The following CLVS1 variants were observed in gnomAD, a reference collection of about 807,000 sequenced individuals.
CLVS1 encodes clavesin 1.
In CLVS1, 10 loss-of-function variants were observed where a neutral mutation model predicts 33.1. That is an observed-to-expected ratio of 0.30 (90% CI 0.19 to 0.51). The LOEUF (loss-of-function observed/expected upper bound fraction) is 0.51. Among genes scored for constraint, CLVS1 ranks in the 20% least tolerant of loss-of-function variants. The pLI is 0.97. For synonymous variants in CLVS1, 163 were observed against 166.1 expected (o/e 0.98, Z 0.14); for missense variants, 343 against 433.4 (o/e 0.79, Z 1.85).
At chr8:61,117,956 C>T (rs1316052022) in intron 1 of CLVS1, among the ~76,000 whole-genome samples, 1 of 152,148 alleles carries the variant, frequency 6.6e-6, no homozygotes, top group African/African-American at 2.4e-5. Context: ...GGTACCAGTT[C>T]CTCCTTGTAC....
the CLVS1 span, among the ~76,000 whole-genome samples, chr8:60,979,296 G>C: frequency 6.6e-6 from 1 of 152,142 alleles, no homozygotes; most frequent in African/African-American, 2.4e-5. Flanking sequence ...CCCTCGATGG[G>C]GCCTGCCCTC....
chr8:61,214,461 G>A (rs1808042572), intron 2 of CLVS1, among the ~76,000 whole-genome samples: 1 of 152,080 alleles, frequency 6.6e-6, no homozygotes, highest in South Asian at 2.1e-4. Flanking sequence ...AAGGAAAATA[G>A]AAAAGAACCT....
At chr8:61,358,963 T>A (rs1331978877) in intron 2 of CLVS1, among the ~76,000 whole-genome samples, 1 of 152,202 alleles carries the variant, frequency 6.6e-6, no homozygotes, top group African/African-American at 2.4e-5. Flanking sequence ...CCTTGAAAAT[T>A]TGTATTATTA....
rs1462908906 is a variant in CLVS1 at position 61,357,489 on chromosome 8, C to CTTTTTTTT, written c.456-19112_456-19111insTTTTTTTT. Among the ~76,000 whole-genome samples, 5 of 30,258 alleles carry CTTTTTTTT rather than the reference C, an allele frequency of 1.7e-4. No homozygotes were observed. The East Asian group carries it at 2.9e-3, about 17-fold the overall frequency. 19.9% of individuals were successfully genotyped at this position (30,258 alleles called of 152,430 possible). On this transcript the variant is annotated intron_variant, in intron 2 of 5. Transcript: ENST00000325897. ...TTTTCCTTCTTTTTCTTTCCTTTTT[C>CTTTTTTTT]TTTTCTTTTTTTTTTTTTTTTTTTT...
At chr8:61,306,936 C>T (rs1025144316) in intron 2 of CLVS1, among the ~76,000 whole-genome samples, 7 of 152,168 alleles carry the variant, frequency 4.6e-5, no homozygotes, top group Non-Finnish European at 7.3e-5. Flanking sequence ...TAAGTGCAGA[C>T]GGTCCTCTGC....
chr8:61,362,059 A>G (rs1447766401), intron 2 of CLVS1, among the ~76,000 whole-genome samples: 1 of 152,232 alleles, frequency 6.6e-6, no homozygotes, highest in Non-Finnish European at 1.5e-5. Flanking sequence ...GGGGATTCTC[A>G]ACAAATTGGC....
At chr8:61,193,665 A>C (rs1563439694) in intron 2 of CLVS1, among the ~76,000 whole-genome samples, 1 of 152,058 alleles carries the variant, frequency 6.6e-6, no homozygotes, top group South Asian at 2.1e-4. Flanking sequence ...CTACAAAACT[A>C]TCAAGAATGA....
At chr8:61,267,498 A>G (rs1809334778) in intron 2 of CLVS1, among the ~76,000 whole-genome samples, 2 of 152,166 alleles carry the variant, frequency 1.3e-5, no homozygotes, top group Admixed American at 6.5e-5. Flanking sequence ...AGTCACATTT[A>G]GCCTCTGTTT....
At chr8:61,403,824 C>A (rs988907144) in intron 3 of CLVS1, among the ~76,000 whole-genome samples, 1 of 152,038 alleles carries the variant, frequency 6.6e-6, no homozygotes, top group Non-Finnish European at 1.5e-5. Context: ...CAGGATTCCA[C>A]GAAAACATGT....
At chr8:61,231,059 G>C (rs1311171730) in intron 2 of CLVS1, among the ~76,000 whole-genome samples, 1 of 152,060 alleles carries the variant, frequency 6.6e-6, no homozygotes, top group Non-Finnish European at 1.5e-5. Context: ...GTATCTTAGA[G>C]GCATACAAAT....
the CLVS1 span, among the ~76,000 whole-genome samples, chr8:60,971,749 T>C: frequency 6.6e-6 from 1 of 152,162 alleles, no homozygotes; most frequent in South Asian, 2.1e-4. Flanking sequence ...GCCAGTCTCC[T>C]GCCCAGAGGG....
At chr8:61,004,837 T>C in the CLVS1 span, among the ~76,000 whole-genome samples, 2 of 152,346 alleles carry the variant, frequency 1.3e-5, no homozygotes, top group Admixed American at 1.3e-4. Flanking sequence ...CCTTTCATTT[T>C]TCTTAAAAAG....
chr8:61,191,931 T>C (rs1470545838), intron 2 of CLVS1, among the ~76,000 whole-genome samples: 2 of 152,070 alleles, frequency 1.3e-5, no homozygotes, highest in African/African-American at 4.8e-5. Context: ...GAATCAATAT[T>C]GTGAAAATGG....
chr8:61,194,390 C>A (rs1294609084), intron 2 of CLVS1, among the ~76,000 whole-genome samples: 2 of 150,230 alleles, frequency 1.3e-5, no homozygotes, highest in Admixed American at 6.6e-5. Flanking sequence ...AACCAAAAAA[C>A]CCTGGCATTA....
chr8:61,346,701 G>A (rs1812232114), intron 2 of CLVS1, among the ~76,000 whole-genome samples: 1 of 152,136 alleles, frequency 6.6e-6, no homozygotes, highest in Admixed American at 6.6e-5. Flanking sequence ...CCCTCCCTGT[G>A]TAAGGCATGG....
chr8:61,224,807 A>C (rs1808293685), intron 2 of CLVS1, among the ~76,000 whole-genome samples: 1 of 152,186 alleles, frequency 6.6e-6, no homozygotes. Context: ...AACTATCCTA[A>C]ATATATATGC....
At position 61,451,812 on chromosome 8, in the gene CLVS1, C is replaced by CAGAGAGAGAGAG. The variant is rs71257362; in HGVS notation, c.631-2305_631-2294dup. Among the ~76,000 whole-genome samples the CAGAGAGAGAGAG allele has an allele frequency of 3.0e-3, 430 of 142,908 alleles. 1 individual carries two copies. The highest frequency in any genetic ancestry group is 0.01 in the African/African-American group (398 of 38,206). The allele number at this position is 142,908 out of a possible 152,430, so 93.8% of individuals were successfully genotyped here. ...CCTCTGTACAAAACACACACACACA[C>CAGAGAGAGAGAG]AGAGAGAGAGAGAGAGAGAGAGAGA... On this transcript the variant is annotated intron_variant, in intron 3 of 5. Transcript: ENST00000325897.
At chr8:61,060,941 T>C (rs1416929796) in intron 1 of CLVS1, among the ~76,000 whole-genome samples, 1 of 152,112 alleles carries the variant, frequency 6.6e-6, no homozygotes, top group Non-Finnish European at 1.5e-5. Context: ...GAGTATTGCT[T>C]TAGGAGTTTT....
chr8:60,989,499 G>A, the CLVS1 span, among the ~76,000 whole-genome samples: 2 of 152,158 alleles, frequency 1.3e-5, no homozygotes, highest in Non-Finnish European at 2.9e-5. Context: ...CACAAGTGTT[G>A]TTGATTCCAC....
Sources: gnomAD v4.1 joint callset for allele counts (sites outside exome capture counted in the v4.1 genomes callset) on GRCh38, gnomAD v4.1.1 for gene constraint, MANE v1.5 for transcripts, NCBI Gene and HGNC (gene_info 2026-07-23, HGNC 2026-07-21) for gene names.